Variants in HS6ST3 observed in about 807,000 individuals in gnomAD.
HS6ST3 encodes the protein heparan sulfate 6-O-sulfotransferase 3.
Under a neutral mutation model 36.7 loss-of-function variants are expected in HS6ST3, and 12 were observed. The ratio of observed to expected loss-of-function variants is 0.33; its 90% CI spans 0.21 to 0.53. HS6ST3 has a LOEUF of 0.53. Among genes scored for constraint, HS6ST3 ranks in the 20% least tolerant of loss-of-function variants. The pLI, the probability that HS6ST3 is intolerant of heterozygous loss-of-function variation, is 0.95. For synonymous variants in HS6ST3, 240 were observed against 257.5 expected, an observed-to-expected ratio of 0.93 and a Z score of 0.65; for missense variants, 584 against 640.9, an observed-to-expected ratio of 0.91 and a Z score of 0.96.
At chr13:96,241,341 T>C (rs1447708982) in intron 1 of HS6ST3, among the ~76,000 whole-genome samples, 2 of 152,042 alleles carry the variant, frequency 1.3e-5, no homozygotes, top group Admixed American at 6.5e-5. Flanking sequence ...GGCACTTACA[T>C]AAAAATGAAA....
At chr13:96,544,746 G>T (rs946395487) in intron 1 of HS6ST3, among the ~76,000 whole-genome samples, 1 of 151,930 alleles carries the variant, frequency 6.6e-6, no homozygotes, top group Non-Finnish European at 1.5e-5. Flanking sequence ...ATCACCTTCC[G>T]AAGTGCCGTC....
At chr13:96,132,341 G>A (rs1162145906) in intron 1 of HS6ST3, among the ~76,000 whole-genome samples, 3 of 151,746 alleles carry the variant, frequency 2.0e-5, no homozygotes, top group Non-Finnish European at 4.4e-5. Flanking sequence ...GAGATCATAT[G>A]GTAGTTCTAT....
intron 1 of HS6ST3, among the ~76,000 whole-genome samples, chr13:96,097,000 C>G (rs2053794398): frequency 6.6e-6 from 1 of 152,160 alleles, no homozygotes; most frequent in Non-Finnish European, 1.5e-5. Flanking sequence ...GCCATATCTA[C>G]TGATTTGTTC....
chr13:96,686,369 T>C (rs1481910235), intron 1 of HS6ST3, among the ~76,000 whole-genome samples: 1 of 152,006 alleles, frequency 6.6e-6, no homozygotes, highest in Admixed American at 6.6e-5. Context: ...GTGTAAACAG[T>C]GCTGAAATGG....
At chr13:96,200,312 A>C (rs2054335119) in intron 1 of HS6ST3, among the ~76,000 whole-genome samples, 1 of 152,068 alleles carries the variant, frequency 6.6e-6, no homozygotes, top group Non-Finnish European at 1.5e-5. Context: ...TTTGGAACTT[A>C]TCTCTTATCA....
At chr13:96,394,476 G>A (rs1594770422) in intron 1 of HS6ST3, among the ~76,000 whole-genome samples, 1 of 152,140 alleles carries the variant, frequency 6.6e-6, no homozygotes. Context: ...TTTGGACAGG[G>A]CAGAGGCTCT....
At chr13:96,164,851 T>TA (rs1207612647) in intron 1 of HS6ST3, among the ~76,000 whole-genome samples, 1 of 151,286 alleles carries the variant, frequency 6.6e-6, no homozygotes, top group Non-Finnish European at 1.5e-5. Context: ...TGATACAGAT[T>TA]TTTTTTTTAA....
At chr13:96,163,301 C>T (rs1412255010) in intron 1 of HS6ST3, among the ~76,000 whole-genome samples, 1 of 146,934 alleles carries the variant, frequency 6.8e-6, no homozygotes. Context: ...GCCATCTCGG[C>T]TCACTGCAAG....
chr13:96,647,714 A>T (rs1002550147), intron 1 of HS6ST3, among the ~76,000 whole-genome samples: 2 of 152,044 alleles, frequency 1.3e-5, no homozygotes, highest in Non-Finnish European at 2.9e-5. Context: ...TATAGATATG[A>T]TGAAGAAGTT....
At chr13:96,120,209 G>A (rs1007009244) in intron 1 of HS6ST3, among the ~76,000 whole-genome samples, 1 of 152,228 alleles carries the variant, frequency 6.6e-6, no homozygotes, top group Non-Finnish European at 1.5e-5. Flanking sequence ...GAAGAGGCAA[G>A]GAAGGGTTCC....
intron 1 of HS6ST3, among the ~76,000 whole-genome samples, chr13:96,521,379 A>G (rs138958381): frequency 0.017 from 2,541 of 152,216 alleles, 71 homozygotes; most frequent in African/African-American, 0.057. Context: ...TGAGTTAGGG[A>G]GGATTCCCTC....
At chr13:96,578,701 A>G (rs896730590) in intron 1 of HS6ST3, among the ~76,000 whole-genome samples, 1 of 152,126 alleles carries the variant, frequency 6.6e-6, no homozygotes, top group Non-Finnish European at 1.5e-5. Context: ...CTGGGATTAC[A>G]GGCACACACC....
intron 1 of HS6ST3, among the ~76,000 whole-genome samples, chr13:96,459,684 C>A (rs897051695): frequency 6.6e-6 from 1 of 152,130 alleles, no homozygotes; most frequent in African/African-American, 2.4e-5. Flanking sequence ...GGTACAATTG[C>A]ATACATGTTC....
intron 1 of HS6ST3, among the ~76,000 whole-genome samples, chr13:96,816,339 A>G (rs925145834): frequency 6.6e-6 from 1 of 152,152 alleles, no homozygotes; most frequent in African/African-American, 2.4e-5. Flanking sequence ...GGTACCAGTG[A>G]CTCTAAAAGT....
intron 1 of HS6ST3, among the ~76,000 whole-genome samples, chr13:96,244,781 A>G (rs886166675): frequency 1.3e-5 from 2 of 152,298 alleles, no homozygotes; most frequent in South Asian, 2.1e-4. Context: ...ATCGAAATCT[A>G]TGGGTGGCCT....
At chr13:96,127,132 C>T (rs2053956010) in intron 1 of HS6ST3, among the ~76,000 whole-genome samples, 1 of 152,184 alleles carries the variant, frequency 6.6e-6, no homozygotes. Flanking sequence ...TGAAGCCCTA[C>T]CAAACAATGT....
chr13:96,313,972 G>A (rs1400213672), intron 1 of HS6ST3, among the ~76,000 whole-genome samples: 1 of 152,120 alleles, frequency 6.6e-6, no homozygotes, highest in Admixed American at 6.5e-5. Context: ...AAACCAAGGC[G>A]GGTGGAACAC....
chr13:96,387,189 A>T (rs775880911), intron 1 of HS6ST3, among the ~76,000 whole-genome samples: 1 of 152,220 alleles, frequency 6.6e-6, no homozygotes, highest in African/African-American at 2.4e-5. Context: ...TTTGAGATGC[A>T]TTATGTGACT....
chr13:96,525,102 A>T (rs2056108521), intron 1 of HS6ST3, among the ~76,000 whole-genome samples: 1 of 152,172 alleles, frequency 6.6e-6, no homozygotes, highest in African/African-American at 2.4e-5. Flanking sequence ...ATAATTTTTT[A>T]AAGTTCTCTT....
Sources: gnomAD v4.1 joint callset for allele counts (sites outside exome capture counted in the v4.1 genomes callset) on GRCh38, gnomAD v4.1.1 for gene constraint, MANE v1.5 for transcripts, NCBI Gene and HGNC (gene_info 2026-07-23, HGNC 2026-07-21) for gene names.